The following TUT4 variants were observed in gnomAD, a reference collection of about 807,000 sequenced individuals.
TUT4 encodes terminal uridylyl transferase 4.
Under a neutral mutation model 192.2 loss-of-function variants are expected in TUT4, and 36 were observed. The ratio of observed to expected loss-of-function variants is 0.19; its 90% CI spans 0.14 to 0.25. TUT4 has a LOEUF of 0.25. Ranked by LOEUF, TUT4 falls within the 10% of genes least tolerant of loss-of-function variation. The pLI is 1.00. For missense variants in TUT4, 1,493 were observed against 1,957.2 expected, an observed-to-expected ratio of 0.76 and a Z score of 4.47; for synonymous variants, 618 against 666.0, an observed-to-expected ratio of 0.93 and a Z score of 1.11.
At position 52,515,971 on chromosome 1, in the gene TUT4, C is replaced by T; in HGVS notation, c.802G>A (p.Ala268Thr). 1 of 1,613,596 alleles carries T rather than the reference C, an allele frequency of 6.2e-7. No homozygotes were observed. Among genetic ancestry groups the T allele is most frequent in the Non-Finnish European group, 8.5e-7 (1 of 1,179,896 alleles). Residue 268 changes from alanine to threonine, a missense_variant, in exon 3 of 30, where the codon GCA becomes ACA. Coordinates refer to ENST00000257177, the MANE Select transcript of TUT4 (RefSeq NM_001009881.3). ...LENATVIDESALTPEQRLGLK... is the reference protein window; with the variant it reads ...LENATVIDESTLTPEQRLGLK... Reference sequence around the variant, plus strand: ...CCCAGCCTCTGCTCAGGTGTCAATGCAGATTCATCTATCACAGTGGCATTT... The same window carrying T: ...CCCAGCCTCTGCTCAGGTGTCAATGTAGATTCATCTATCACAGTGGCATTT...
chr1:52,536,138 C>T (rs1352575697), intron 1 of TUT4, among the ~76,000 whole-genome samples: 1 of 152,044 alleles, frequency 6.6e-6, no homozygotes, highest in African/African-American at 2.4e-5. Context: ...GGGTTTTTCC[C>T]TTTTACATGA....
Position 52,525,721 on chromosome 1 carries a change from G to A in TUT4, c.560C>T (p.Ser187Phe). 6.2e-7 allele frequency: 1 copy of A among 1,614,124 alleles called. No individual in the cohort carries two copies. Among genetic ancestry groups the A allele is most frequent in the Non-Finnish European group, 8.5e-7 (1 of 1,180,006 alleles). Residue 187 changes from serine (S) to phenylalanine (F), a missense_variant, in exon 2 of 30, where the codon TCC becomes TTC. Ser to Phe is a radical substitution (Grantham distance 155). Transcript: ENST00000257177. ...LQQIGKKIPS[S>F]FTSVDKVNIE... ...ATTCACTTTGTCCACAGAAGTAAAG[G>A]AGCTTGGAATTTTTTTTCCAATCTG... is the stretch of plus-strand genomic sequence containing the variant.
At chr1:52,509,506 T>C (rs1676521073) in intron 4 of TUT4, 90 bp downstream of exon 4, 1 of 807,422 alleles carries the variant, frequency 1.2e-6, no homozygotes, top group Admixed American at 2.8e-5. Context: ...ATTGGACAAA[T>C]ATTTCATTTT....
chr1:52,552,072 G>A (rs552887768), intron 1 of TUT4, among the ~76,000 whole-genome samples: 5 of 152,204 alleles, frequency 3.3e-5, no homozygotes, highest in African/African-American at 9.6e-5. Flanking sequence ...GCAGATATAC[G>A]GTATCTAAGA....
At chr1:52,444,921 A>ATGTG (rs140490299) in intron 24 of TUT4, among the ~76,000 whole-genome samples, 47,268 of 147,914 alleles carry the variant, frequency 0.32, 11,307 homozygotes, top group African/African-American at 0.69. Flanking sequence ...ATATACATGT[A>ATGTG]TGTGTATATA....
chr1:52,527,695 CTAAAG>C (rs1175796490), intron 1 of TUT4, among the ~76,000 whole-genome samples: 1 of 152,044 alleles, frequency 6.6e-6, no homozygotes, highest in Non-Finnish European at 1.5e-5. Flanking sequence ...AGAATGAACC[CTAAAG>C]TAAACTATAG....
chr1:52,537,078 T>C (rs1025543448), intron 1 of TUT4, among the ~76,000 whole-genome samples: 10 of 151,946 alleles, frequency 6.6e-5, no homozygotes, highest in Non-Finnish European at 1.3e-4. Context: ...GATAATCGCT[T>C]GAACCCAGGA....
At chr1:52,514,320 A>G (rs931716478) in intron 3 of TUT4, among the ~76,000 whole-genome samples, 2 of 152,194 alleles carry the variant, frequency 1.3e-5, no homozygotes, top group African/African-American at 4.8e-5. Context: ...GCACAATTGT[A>G]ATACCAGCTA....
chr1:52,526,120 C>G lies in TUT4; in HGVS notation c.161G>C (p.Ser54Thr). The part of the protein sequence containing the change: ...EIENSSPNRN[S>T]SKKNKQNDIC... Reference sequence around the variant, plus strand: ...ATCATTTTGCTTATTTTTTTTACTACTATTCCTATTTGGAGAGCTGTTCTC... The same window carrying G: ...ATCATTTTGCTTATTTTTTTTACTAGTATTCCTATTTGGAGAGCTGTTCTC... Residue 54 changes from serine (S) to threonine (T), a missense_variant, in exon 2 of 30, where the codon AGT becomes ACT. By Grantham distance (58) the Ser-to-Thr change is moderately conservative. This residue lies in a region of TUT4 where 260 missense variants were observed against 247.8 expected (regional missense o/e 1.05). Transcript: ENST00000257177. 1 of 1,610,210 alleles carries G rather than the reference C, an allele frequency of 6.2e-7. No individual in the cohort carries two copies. The highest frequency in any genetic ancestry group is 8.5e-7 in the Non-Finnish European group (1 of 1,179,082).
intron 3 of TUT4, among the ~76,000 whole-genome samples, chr1:52,510,576 A>G (rs1343151942): frequency 1.3e-5 from 2 of 152,188 alleles, no homozygotes; most frequent in Non-Finnish European, 2.9e-5. Flanking sequence ...ACTGAAGGGA[A>G]TAACAATTCT....
chr1:52,462,937 TC>T (rs1663034414), intron 16 of TUT4: 2 of 985,292 alleles, frequency 2.0e-6, no homozygotes, highest in Admixed American at 1.2e-4. Flanking sequence ...TCCAACATGT[TC>T]TTTTTAGCTA....
At chr1:52,435,551 G>A in intron 26 of TUT4, 86 bp from the exon 27 acceptor site, 1 of 1,011,192 alleles carries the variant, frequency 9.9e-7, no homozygotes. Flanking sequence ...TTATGTAAAA[G>A]AATCTCAAAT....
intron 1 of TUT4, among the ~76,000 whole-genome samples, chr1:52,526,753 G>T (rs1196972736): frequency 6.6e-6 from 1 of 152,174 alleles, no homozygotes; most frequent in East Asian, 1.9e-4. Context: ...GGCTGGGTGT[G>T]GTGGCTCATG....
chr1:52,498,702 C>CAT (rs1219962048), intron 4 of TUT4, among the ~76,000 whole-genome samples: 17 of 151,314 alleles, frequency 1.1e-4, no homozygotes, highest in Admixed American at 1.1e-3. Flanking sequence ...CCCTGGCCAA[C>CAT]ATGGTGTAAC....
chr1:52,465,237 C>T, intron 15 of TUT4, 64 bp from the exon 16 acceptor site: 1 of 1,101,056 alleles, frequency 9.1e-7, no homozygotes, highest in Non-Finnish European at 1.3e-6. Context: ...CTTCTGCTAT[C>T]TGCTGATGAC....
At chr1:52,542,702 T>C (rs1210090380) in intron 1 of TUT4, among the ~76,000 whole-genome samples, 1 of 152,166 alleles carries the variant, frequency 6.6e-6, no homozygotes, top group Non-Finnish European at 1.5e-5. Context: ...GAAAACCTTT[T>C]CCTCTAACAT....
At chr1:52,545,809 T>C (rs1026215684) in intron 1 of TUT4, among the ~76,000 whole-genome samples, 1 of 151,706 alleles carries the variant, frequency 6.6e-6, no homozygotes, top group Non-Finnish European at 1.5e-5. Flanking sequence ...TACTCAATGA[T>C]GCTAAGGTGT....
chr1:52,424,005 G>A lies in TUT4; in HGVS notation c.4871-3C>T. 6.2e-7 allele frequency: 1 copy of A among 1,608,770 alleles called. No individual in the cohort carries two copies. The highest frequency in any genetic ancestry group is 8.5e-7 in the Non-Finnish European group (1 of 1,177,556). On this transcript the variant is annotated splice_polypyrimidine_tract_variant and splice_region_variant and intron_variant, in intron 29 of 29. Transcript: ENST00000257177. ...ACACCGACGGGTGGCACATCTGTCTGTTGGATACAACACAGACAGGAAACT... is the reference window on the plus strand; with the variant it reads ...ACACCGACGGGTGGCACATCTGTCTATTGGATACAACACAGACAGGAAACT...
At chr1:52,546,538 C>T (rs1007456257) in intron 1 of TUT4, among the ~76,000 whole-genome samples, 8 of 151,834 alleles carry the variant, frequency 5.3e-5, no homozygotes, top group East Asian at 1.9e-4. Context: ...AAGAAGGGAA[C>T]GGGAAATTAT....
Sources: allele counts gnomAD v4.1 joint callset (sites outside exome capture counted in the v4.1 genomes callset), GRCh38; gene constraint gnomAD v4.1.1; regional missense constraint gnomAD v4.1.1; transcripts MANE v1.5; gene names NCBI Gene and HGNC (gene_info 2026-07-23, HGNC 2026-07-21).